Variants in NLRP14 observed in about 807,000 individuals in gnomAD.
NLRP14 encodes NACHT, LRR and PYD domains-containing protein 14.
NLRP14 carries 105 observed loss-of-function variants against 94.7 expected under a neutral mutation model. That is an observed-to-expected ratio of 1.11 (90% CI 0.95 to 1.30). The LOEUF (loss-of-function observed/expected upper bound fraction) is 1.30, where lower values mean the gene tolerates loss of function less well. Ranked by LOEUF, NLRP14 falls within the 50% of genes most tolerant of loss-of-function variation. The pLI, the probability that NLRP14 is intolerant of heterozygous loss-of-function variation, is 0.00. For missense variants in NLRP14, 1,362 were observed against 1,254.1 expected (o/e 1.09, Z -1.30); for synonymous variants, 508 against 459.9 (o/e 1.10, Z -1.34).
chr11:7,057,934 T>A, intron 7 of NLRP14, 87 bp downstream of exon 7: 1 of 1,090,064 alleles, frequency 9.2e-7, no homozygotes. Context: ...ACTTCTTGGG[T>A]CTTGGCACTA....
chr11:7,027,406 C>A lies in NLRP14; in HGVS notation c.-22+6636C>A, dbSNP rs114856344. On this transcript the variant is annotated intron_variant, in intron 1 of 11. Transcript: ENST00000299481. ...ATTTATGGCTGTCTTCTTGTAGAGT[C>A]CTCACATGGCAGAAGGAACCAGGGA... is the stretch of plus-strand genomic sequence containing the variant. Among the ~76,000 whole-genome samples, 682 of 152,062 alleles carry A rather than the reference C, an allele frequency of 4.5e-3. 6 individuals carry two copies. The highest frequency in any genetic ancestry group is 0.015 in the African/African-American group (641 of 41,474).
chr11:7,059,940 A>G lies in NLRP14; in HGVS notation c.2680A>G (p.Thr894Ala), dbSNP rs1219363461. The G allele has an allele frequency of 6.2e-7, 1 of 1,612,668 alleles. No homozygotes were observed. The highest frequency in any genetic ancestry group is 1.7e-5 in the Admixed American group (1 of 59,860). Residue 894 changes from threonine to alanine, a missense_variant, in exon 9 of 12, where the codon ACT (threonine) becomes GCT (alanine). Physicochemically the swap from Thr to Ala is moderately conservative, Grantham distance 58. Coordinates refer to ENST00000299481, the MANE Select transcript of NLRP14 (RefSeq NM_176822.4). The part of the protein sequence containing the change: ...FTSLSSEYLS[T>A]SLLHNKSLTH... ...TTCACTTAGCAGTGAATATCTGTCA[A>G]CTTCTCTTCTACACAACAAGAGCCT... is the stretch of plus-strand genomic sequence containing the variant.
intron 10 of NLRP14, among the ~76,000 whole-genome samples, chr11:7,063,023 T>C (rs1290491860): frequency 1.3e-5 from 2 of 152,136 alleles, no homozygotes; most frequent in South Asian, 2.1e-4. Context: ...AGAATTGTGC[T>C]CTATGTGTGG....
At chr11:7,032,171 A>C (rs1852108471) in intron 1 of NLRP14, among the ~76,000 whole-genome samples, 1 of 152,232 alleles carries the variant, frequency 6.6e-6, no homozygotes, top group Non-Finnish European at 1.5e-5. Flanking sequence ...AAATTGTCCT[A>C]AACTCAGTTG....
intron 10 of NLRP14, among the ~76,000 whole-genome samples, chr11:7,067,307 CA>C (rs1196176967): frequency 1.3e-5 from 2 of 152,128 alleles, no homozygotes; most frequent in Non-Finnish European, 2.9e-5. Context: ...TGGCCATTTT[CA>C]TGATACTGAT....
the NLRP14 span, among the ~76,000 whole-genome samples, chr11:7,085,491 T>C: frequency 2.0e-5 from 3 of 152,348 alleles, no homozygotes; most frequent in African/African-American, 7.2e-5. Flanking sequence ...AGTCTTTTTG[T>C]GACTGGTTTA....
chr11:7,046,916 C>A, intron 5 of NLRP14, 84 bp downstream of exon 5: 4 of 1,000,010 alleles, frequency 4.0e-6, no homozygotes. Context: ...TTAGGGGAAG[C>A]CAATGCTAAA....
chr11:7,070,307 ATC>A lies in NLRP14; in HGVS notation c.3003_3004del (p.Cys1002LeufsTer27). On this transcript the variant is annotated frameshift_variant, in exon 11 of 12. Transcript: ENST00000299481. LOFTEE classifies it high-confidence loss of function. ...ACAGGTTGGAATACTGTGGTTTGAC[ATC>A]TCTCTGCTGTCAAGATCTCTCCTCT... is the stretch of plus-strand genomic sequence containing the variant. ...RLGLEYCGLT[S>X]LCCQDLSSAL... The A allele has an allele frequency of 6.2e-7, 1 of 1,612,298 alleles. No individual in the cohort carries two copies.
intron 10 of NLRP14, 123 bp from the exon 11 acceptor site, chr11:7,070,162 AC>A (rs1852769191): frequency 4.2e-6 from 3 of 713,126 alleles, no homozygotes; most frequent in Non-Finnish European, 7.5e-6. Context: ...TTGAATTTAT[AC>A]TAACTGTGCT....
At chr11:7,087,928 G>A in the NLRP14 span, among the ~76,000 whole-genome samples, 5 of 152,286 alleles carry the variant, frequency 3.3e-5, no homozygotes, top group East Asian at 7.7e-4. Context: ...CCAGAAATAC[G>A]TAGCAATTCT....
downstream of NLRP14, among the ~76,000 whole-genome samples, chr11:7,075,368 G>A (rs1852863005): frequency 6.6e-6 from 1 of 152,196 alleles, no homozygotes; most frequent in South Asian, 2.1e-4. Context: ...AGAAGTGCAA[G>A]AGTGGGCTGA....
chr11:7,026,586 A>G (rs1852017085), intron 1 of NLRP14, among the ~76,000 whole-genome samples: 1 of 152,090 alleles, frequency 6.6e-6, no homozygotes, highest in Non-Finnish European at 1.5e-5. Flanking sequence ...ACCATTGTGG[A>G]AGTCAGTGTG....
At position 7,043,234 on chromosome 11, in the gene NLRP14, A is replaced by G. The variant is rs766661649; in HGVS notation, c.1208A>G (p.Tyr403Cys). 12 of 1,614,050 alleles carry G rather than the reference A, an allele frequency of 7.4e-6. No homozygotes were observed. The highest frequency in any genetic ancestry group is 1.1e-5 in the South Asian group (1 of 91,080). ...CQTTTALFTC[Y>C]ISSLFTPVDG... Reference sequence around the variant, plus strand: ...ACAACCACAGCTCTGTTTACCTGCTATATTTCTAGCTTGTTCACACCAGTA... The same window carrying G: ...ACAACCACAGCTCTGTTTACCTGCTGTATTTCTAGCTTGTTCACACCAGTA... Residue 403 changes from tyrosine to cysteine, a missense_variant, in exon 4 of 12, where the codon TAT becomes TGT. By Grantham distance (194) the Tyr-to-Cys change is radical (BLOSUM62 -2). Coordinates refer to ENST00000299481, the MANE Select transcript of NLRP14 (RefSeq NM_176822.4).
Position 7,043,146 on chromosome 11 carries a change from G to C in NLRP14, c.1120G>C (p.Ala374Pro), listed in dbSNP as rs1174067954. Residue 374 changes from alanine to proline, a missense_variant, in exon 4 of 12, where the codon GCC becomes CCC. Coordinates refer to ENST00000299481, the MANE Select transcript of NLRP14 (RefSeq NM_176822.4). ...GTGCCAAGTCCCCCTAGTGTGCTGG[G>C]CCGCTTGTACTTGTCTGAAGCAGCA... Reference protein sequence around the residue: ...SMCQVPLVCWAACTCLKQQME... With the variant: ...SMCQVPLVCWPACTCLKQQME... 1.5e-5 allele frequency: 24 copies of C among 1,614,138 alleles called. No homozygotes were observed. Among genetic ancestry groups the C allele is most frequent in the African/African-American group, 2.7e-5 (2 of 75,038 alleles).
At chr11:7,053,633 A>G (rs928496216) in intron 6 of NLRP14, among the ~76,000 whole-genome samples, 9 of 150,116 alleles carry the variant, frequency 6.0e-5, no homozygotes, top group Non-Finnish European at 1.2e-4. Context: ...AGGATTTTGT[A>G]TTTTTTTTTA....
chr11:7,046,573 G>C, intron 4 of NLRP14, 95 bp from the exon 5 acceptor site: 1 of 1,233,038 alleles, frequency 8.1e-7, no homozygotes, highest in Non-Finnish European at 1.2e-6. Flanking sequence ...CCTTTCCAAA[G>C]TACACTTACT....
chr11:7,038,481 A>C (rs910241631), intron 1 of NLRP14, 85 bp from the exon 2 acceptor site: 1 of 1,102,576 alleles, frequency 9.1e-7, no homozygotes, highest in Non-Finnish European at 1.4e-6. Context: ...AAATTAATCT[A>C]TATAAGTATT....
At chr11:7,044,541 A>G (rs1490105714) in intron 4 of NLRP14, among the ~76,000 whole-genome samples, 1 of 152,090 alleles carries the variant, frequency 6.6e-6, no homozygotes, top group Non-Finnish European at 1.5e-5. Flanking sequence ...CTATCTGGAG[A>G]CACTGGAGGT....
chr11:7,039,721 C>A lies in NLRP14; in HGVS notation c.297C>A (p.Ala99=), dbSNP rs771721920. The change falls in exon 3 of 12, where the codon GCC becomes GCA. Residue 99 remains alanine, a synonymous_variant. Transcript: ENST00000299481. ...TATCGGAACCTGTTGCAGGGTCGGC[C>A]CAGACTATAGGACCAGATGATGCCA... ...ERAKEEINWS[A]QTIGPDDAKA... 5.6e-6 allele frequency: 9 copies of A among 1,613,596 alleles called. No homozygotes were observed. Among genetic ancestry groups the A allele is most frequent in the South Asian group, 3.3e-5 (3 of 91,050 alleles).
Sources: gnomAD v4.1 joint callset for allele counts (sites outside exome capture counted in the v4.1 genomes callset) on GRCh38, gnomAD v4.1.1 for gene constraint, MANE v1.5 for transcripts, NCBI Gene and HGNC (gene_info 2026-07-23, HGNC 2026-07-21) for gene names.